SV2A: variants seen among roughly 807,000 people sequenced by gnomAD.
SV2A encodes solute carrier family 22 member B1.
SV2A carries 25 observed loss-of-function variants against 78.0 expected under a neutral mutation model. The ratio of observed to expected loss-of-function variants is 0.32; its 90% CI spans 0.23 to 0.45. The LOEUF is 0.45. SV2A is among the 20% of genes least tolerant of loss of function. The pLI is 1.00. For synonymous variants in SV2A, 355 were observed against 384.7 expected (o/e 0.92, Z 0.90); for missense variants, 752 against 971.5 (o/e 0.77, Z 3.00).
chr1:149,905,907 G>A lies in SV2A; in HGVS notation c.2018C>T (p.Thr673Ile). The A allele has an allele frequency of 6.2e-7, 1 of 1,614,078 alleles. No homozygotes were observed. The highest frequency in any genetic ancestry group is 8.5e-7 in the Non-Finnish European group (1 of 1,180,016). ...CTTGTCTGAGGGGTAGAGTTCAACA[G>A]TCAACACGTCCAGCGCATTCCAGGA... ...IASWNALDVLTVELYPSDKRT... is the reference protein window; with the variant it reads ...IASWNALDVLIVELYPSDKRT... Residue 673 changes from threonine to isoleucine, a missense_variant, in exon 12 of 13, where the codon ACT (threonine) becomes ATT (isoleucine). Physicochemically the swap from Thr to Ile is moderately conservative, Grantham distance 89. Around this residue, in one of 7 missense-constraint regions of SV2A, gnomAD observed 186 missense variants for 274.6 expected, o/e 0.68. Coordinates refer to ENST00000369146, the MANE Select transcript of SV2A (RefSeq NM_014849.5).
Position 149,904,446 on chromosome 1 carries a change from T to C in SV2A, c.*568A>G, listed in dbSNP as rs2092419608. The C allele has an allele frequency of 1.3e-5, 2 of 153,116 alleles. No individual in the cohort carries two copies. Among genetic ancestry groups the C allele is most frequent in the African/African-American group, 4.8e-5 (2 of 41,444 alleles). The allele number at this position is 153,116 out of a possible 1,614,324, so 9.5% of individuals were successfully genotyped here. The stretch of plus-strand genomic sequence containing the variant: ...GAATCAGAAAGCTAATTTCATAAAA[T>C]TCAGGCTTCATATTTGCAGCCCAAA... On this transcript the variant is annotated 3_prime_UTR_variant, in exon 13 of 13. Coordinates refer to ENST00000369146, the MANE Select transcript of SV2A (RefSeq NM_014849.5).
At chr1:149,906,997 A>G (rs2092442897) in intron 10 of SV2A, 141 bp from the exon 11 acceptor site, 3 of 1,473,996 alleles carry the variant, frequency 2.0e-6, no homozygotes, top group Non-Finnish European at 2.7e-6. Context: ...ATCACAAAAC[A>G]TCAAATAACA....
rs28642307 is a variant in SV2A, at chr1:149,904,818, A to T, written c.*196T>A. 0.11 allele frequency: 60,802 copies of T among 572,558 alleles called. 3,742 individuals carry two copies. Among genetic ancestry groups the T allele is most frequent in the Non-Finnish European group, 0.13 (41,486 of 331,378 alleles). The allele number at this position is 572,558 out of a possible 1,614,324, so 35.5% of individuals were successfully genotyped here. A position where few individuals can be genotyped will look rare whatever the true frequency, so the allele number is the denominator to read the frequency against. On this transcript the variant is annotated 3_prime_UTR_variant, in exon 13 of 13. Coordinates refer to ENST00000369146, the MANE Select transcript of SV2A (RefSeq NM_014849.5). ...AGTACAGCTTCATCTCAAAACTGGG[A>T]TGAAGGAGCCTTCCCTGTAGTCCCT...
At chr1:149,914,565 A>G (rs2092500741) in intron 1 of SV2A, among the ~76,000 whole-genome samples, 1 of 152,122 alleles carries the variant, frequency 6.6e-6, no homozygotes, top group Admixed American at 6.5e-5. Context: ...GTTGAGGAGG[A>G]TGTGTAAGAG....
At chr1:149,908,730 C>T (rs888748546) in intron 8 of SV2A, among the ~76,000 whole-genome samples, 3 of 152,140 alleles carry the variant, frequency 2.0e-5, no homozygotes, top group Non-Finnish European at 2.9e-5. Flanking sequence ...CTCTGCCTCC[C>T]GGATTCACAC....
At position 149,907,689 on chromosome 1, in the gene SV2A, C is replaced by A. The variant is rs1310073103; in HGVS notation, c.1678+11G>T. The A allele has an allele frequency of 6.2e-7, 1 of 1,611,468 alleles. No individual in the cohort carries two copies. Among genetic ancestry groups the A allele is most frequent in the Non-Finnish European group, 8.5e-7 (1 of 1,178,454 alleles). ...CCTTTGGTCTGACACCCACCAGCCA[C>A]CCCGCCTTACCAGTGTTATAGAACA... On this transcript the variant is annotated intron_variant, in intron 10 of 12. Transcript: ENST00000369146.
Position 149,910,520 on chromosome 1 carries a change from C to G in SV2A, c.1089+50G>C. The G allele has an allele frequency of 2.0e-6, 3 of 1,523,506 alleles. No individual in the cohort carries two copies. In the South Asian group the frequency reaches 3.9e-5, roughly 20 times the overall value. The allele number at this position is 1,523,506 out of a possible 1,614,324, so 94.4% of individuals were successfully genotyped here. ...ACACAGAAGCCCCTGCTGCCGTCCA[C>G]ACTCCACAGCCCGCACCCCACCCCA... On this transcript the variant is annotated intron_variant, in intron 5 of 12. Transcript: ENST00000369146. This position sits in a 1 kb window ranked among gnomAD's most constrained non-coding sequence, Gnocchi z 4.2.
intron 8 of SV2A, 35 bp downstream of exon 8, chr1:149,909,157 C>A (rs1553763278): frequency 6.9e-6 from 11 of 1,600,638 alleles, no homozygotes; most frequent in Admixed American, 3.3e-5. Context: ...ACCACCACAA[C>A]CACCACACAT....
chr1:149,912,707 A>T (rs1342446825), intron 2 of SV2A, among the ~76,000 whole-genome samples: 5 of 152,076 alleles, frequency 3.3e-5, no homozygotes, highest in Non-Finnish European at 7.4e-5. Context: ...ATCAAAGACT[A>T]CATCCTGTCC....
rs1301606996 is a variant in SV2A at position 149,904,859 on chromosome 1, A to ACACATG, written c.*149_*154dup. The ACACATG allele has an allele frequency of 6.2e-6, 5 of 811,968 alleles. No homozygotes were observed. The highest frequency in any genetic ancestry group is 9.5e-6 in the Non-Finnish European group (5 of 523,986). The allele number at this position is 811,968 out of a possible 1,614,324, so 50.3% of individuals were successfully genotyped here. A position where few individuals can be genotyped will look rare whatever the true frequency, so the allele number is the denominator to read the frequency against. Reference sequence around the variant, plus strand: ...TGTAGTCCCTGCCCACGGGGTTTACACACATGCACACGCACACGCACACAC... The same window carrying ACACATG: ...TGTAGTCCCTGCCCACGGGGTTTACACACATGCACATGCACACGCACACGCACACAC... On this transcript the variant is annotated 3_prime_UTR_variant, in exon 13 of 13. Transcript: ENST00000369146.
In SV2A at chr1:149,908,341, C is replaced by G. The variant is rs911367165; in HGVS notation, c.1380-135G>C. On this transcript the variant is annotated intron_variant, in intron 8 of 12. Transcript: ENST00000369146. Reference sequence around the variant, plus strand: ...GAAATGGAGTCAACCTCTGTTAGGACCTTGCTCCTCTCCAGCCTCACCAGC... The same window carrying G: ...GAAATGGAGTCAACCTCTGTTAGGAGCTTGCTCCTCTCCAGCCTCACCAGC... 1.8e-5 allele frequency: 18 copies of G among 1,024,326 alleles called. No homozygotes were observed. In the African/African-American group the frequency reaches 2.9e-4, roughly 17 times the overall value. The allele number at this position is 1,024,326 out of a possible 1,614,324, so 63.5% of individuals were successfully genotyped here.
Position 149,913,499 on chromosome 1 carries a change from T to A in SV2A, c.342A>T (p.Ala114=). 1 of 1,606,654 alleles carries A rather than the reference T, an allele frequency of 6.2e-7. No individual in the cohort carries two copies. Among genetic ancestry groups the A allele is most frequent in the Non-Finnish European group, 8.5e-7 (1 of 1,177,038 alleles). ...TTACTCCAGCCAGGGGCGCCCCATC[T>A]GCCATCCGCTCGCCTTTGCCCCCAG... ...AESGGKGERM[A]DGAPLAGVRG... The change falls in exon 2 of 13, where the codon GCA becomes GCT. Residue 114 remains alanine, a synonymous_variant. Coordinates refer to ENST00000369146, the MANE Select transcript of SV2A (RefSeq NM_014849.5).
intron 3 of SV2A, among the ~76,000 whole-genome samples, chr1:149,911,594 A>G (rs587618845): frequency 1.3e-5 from 2 of 152,256 alleles, no homozygotes; most frequent in South Asian, 2.1e-4. Context: ...GGGCCAAGGA[A>G]CAGCATTCTG....
intron 10 of SV2A, 109 bp from the exon 11 acceptor site, chr1:149,906,965 C>T (rs1173726312): frequency 1.3e-5 from 20 of 1,522,852 alleles, no homozygotes; most frequent in Non-Finnish European, 7.1e-6. Flanking sequence ...AGGAGGGGCT[C>T]TCAAAATTAT....
rs1272210344 is a variant in SV2A, at chr1:149,910,356, C to T, written c.1089+214G>A. 6.6e-6 allele frequency among the ~76,000 whole-genome samples: 1 copy of T among 152,164 alleles called. No individual in the cohort carries two copies. The highest frequency in any genetic ancestry group is 2.4e-5 in the African/African-American group (1 of 41,436). On this transcript the variant is annotated intron_variant, in intron 5 of 12. Transcript: ENST00000369146. This position sits in a 1 kb window ranked among gnomAD's most constrained non-coding sequence, Gnocchi z 4.2. ...TTAAGTCATCCATGGGTAAAGAGGTCCCCTGGTTTCTCCACCCAAGAACCC... is the reference window on the plus strand; with the variant it reads ...TTAAGTCATCCATGGGTAAAGAGGTTCCCTGGTTTCTCCACCCAAGAACCC...
At chr1:149,908,785 C>T (rs1234314223) in intron 8 of SV2A, among the ~76,000 whole-genome samples, 1 of 152,130 alleles carries the variant, frequency 6.6e-6, no homozygotes, top group Non-Finnish European at 1.5e-5. Context: ...CTACAGGCGC[C>T]CACCACCATG....
In SV2A at chr1:149,913,287, A is replaced by C; in HGVS notation, c.554T>G (p.Val185Gly). Residue 185 changes from valine (V) to glycine (G), a missense_variant, in exon 2 of 13, where the codon GTG becomes GGG. Val to Gly is a moderately radical substitution (Grantham distance 109). Transcript: ENST00000369146. Reference sequence around the variant, plus strand: ...AGCGCTGGGCAGCACGAAGCCCACCACAAAGACCTCCACACCGTCAGCCAT... The same window carrying C: ...AGCGCTGGGCAGCACGAAGCCCACCCCAAAGACCTCCACACCGTCAGCCAT... Reference protein sequence around the residue: ...ALMADGVEVFVVGFVLPSAEK... With the variant: ...ALMADGVEVFGVGFVLPSAEK... The C allele has an allele frequency of 6.2e-7, 1 of 1,614,182 alleles. No individual in the cohort carries two copies.
At position 149,910,450 on chromosome 1, in the gene SV2A, G is replaced by A. The variant is rs921904842; in HGVS notation, c.1089+120C>T. ...CTGGAGAGTGGACTCTGTGAGGAAG[G>A]CAGGCAGTCAAACAGGATCAAATCA... On this transcript the variant is annotated intron_variant, in intron 5 of 12. Transcript: ENST00000369146. This position sits in a 1 kb window ranked among gnomAD's most constrained non-coding sequence, Gnocchi z 4.2. 2.1e-5 allele frequency: 28 copies of A among 1,354,808 alleles called. No individual in the cohort carries two copies. Among genetic ancestry groups the A allele is most frequent in the Non-Finnish European group, 2.5e-5 (26 of 1,023,246 alleles). 83.9% of individuals were successfully genotyped at this position (1,354,808 alleles called of 1,614,324 possible). A position where few individuals can be genotyped will look rare whatever the true frequency, so the allele number is the denominator to read the frequency against.
Position 149,904,673 on chromosome 1 carries a change from A to C in SV2A, c.*341T>G, listed in dbSNP as rs1553762393. ...GGCCTAGGCAGAGGGAATGATGGGGAAGGCAGGAAGCCTATTCTGGAACCC... is the reference window on the plus strand; with the variant it reads ...GGCCTAGGCAGAGGGAATGATGGGGCAGGCAGGAAGCCTATTCTGGAACCC... On this transcript the variant is annotated 3_prime_UTR_variant, in exon 13 of 13. Transcript: ENST00000369146. The C allele has an allele frequency of 4.3e-6, 1 of 233,698 alleles. No individual in the cohort carries two copies. Among genetic ancestry groups the C allele is most frequent in the African/African-American group, 2.3e-5 (1 of 44,290 alleles). The allele number at this position is 233,698 out of a possible 1,614,324, so 14.5% of individuals were successfully genotyped here.
Sources: allele counts gnomAD v4.1 joint callset (sites outside exome capture counted in the v4.1 genomes callset), GRCh38; gene constraint gnomAD v4.1.1; regional missense constraint gnomAD v4.1.1; non-coding constraint Gnocchi (gnomAD v3.1); transcripts MANE v1.5; gene names NCBI Gene and HGNC (gene_info 2026-07-23, HGNC 2026-07-21).